Variants in TPRG1 observed in about 807,000 individuals in gnomAD.
TPRG1 encodes the protein tumor protein p63 regulated 1.
TPRG1 carries 29 observed loss-of-function variants against 29.3 expected under a neutral mutation model. That is an observed-to-expected ratio of 0.99 (90% CI 0.74 to 1.35). TPRG1 has a LOEUF of 1.35. Among genes scored for constraint, TPRG1 ranks in the 40% most tolerant of loss-of-function variants. The pLI, the probability that TPRG1 is intolerant of heterozygous loss-of-function variation, is 0.00. For synonymous variants in TPRG1, 130 were observed against 116.8 expected, an observed-to-expected ratio of 1.11 and a Z score of -0.73; for missense variants, 327 against 335.0, an observed-to-expected ratio of 0.98 and a Z score of 0.19.
chr3:189,012,198 C>T (rs1195546252), intron 3 of TPRG1, among the ~76,000 whole-genome samples: 1 of 152,150 alleles, frequency 6.6e-6, no homozygotes, highest in Non-Finnish European at 1.5e-5. Flanking sequence ...ACAGAGCAAC[C>T]TTGTGTTGTG....
At chr3:189,155,202 G>A (rs541713322) in intron 5 of TPRG1, among the ~76,000 whole-genome samples, 51 of 152,272 alleles carry the variant, frequency 3.3e-4, no homozygotes, top group African/African-American at 1.2e-3. Context: ...AATGTTTTGA[G>A]GAAGGGATTG....
chr3:189,182,642 T>C (rs1468007786), intron 1 of TPRG1, among the ~76,000 whole-genome samples: 1 of 152,136 alleles, frequency 6.6e-6, no homozygotes, highest in African/African-American at 2.4e-5. Context: ...AATTAAGGCT[T>C]ATAAAAAGTT....
intron 5 of TPRG1, among the ~76,000 whole-genome samples, chr3:189,315,280 G>T (rs774140064): frequency 1.8e-4 from 9 of 49,538 alleles, no homozygotes; most frequent in South Asian, 8.4e-4. Flanking sequence ...TGAAAGAATT[G>T]TGTGTGTGTG....
intron 3 of TPRG1, among the ~76,000 whole-genome samples, chr3:189,224,315 T>C (rs1737371309): frequency 6.6e-6 from 1 of 152,116 alleles, no homozygotes; most frequent in African/African-American, 2.4e-5. Flanking sequence ...ACCCTGCCCC[T>C]ACTGAAAATA....
At chr3:189,280,060 A>G (rs1410151363) in intron 4 of TPRG1, among the ~76,000 whole-genome samples, 1 of 152,152 alleles carries the variant, frequency 6.6e-6, no homozygotes, top group African/African-American at 2.4e-5. Context: ...GCTGTGGAAA[A>G]TAAGAGGGAT....
chr3:189,083,167 C>T (rs1717715767), intron 4 of TPRG1, among the ~76,000 whole-genome samples: 6 of 152,072 alleles, frequency 3.9e-5, no homozygotes, highest in Admixed American at 3.9e-4. Flanking sequence ...CCGCTGGGGC[C>T]CAGGTGACCA....
intron 4 of TPRG1, among the ~76,000 whole-genome samples, chr3:189,296,453 G>GAT (rs935506893): frequency 1.4e-4 from 22 of 152,078 alleles, no homozygotes; most frequent in African/African-American, 5.1e-4. Context: ...ATTATATAAG[G>GAT]ATATATATAC....
intron 1 of TPRG1, among the ~76,000 whole-genome samples, chr3:189,188,773 G>A (rs771179674): frequency 1.3e-5 from 2 of 152,158 alleles, no homozygotes; most frequent in African/African-American, 2.4e-5. Context: ...TTGCCCAAGA[G>A]ACACTGTCTG....
chr3:189,139,344 G>T (rs934284028), intron 3 of TPRG1, among the ~76,000 whole-genome samples: 3 of 152,146 alleles, frequency 2.0e-5, no homozygotes, highest in African/African-American at 7.2e-5. Flanking sequence ...AGCTGACCCG[G>T]ATCCAGCCCT....
chr3:189,201,260 C>T (rs1733436920), intron 1 of TPRG1, among the ~76,000 whole-genome samples: 1 of 152,168 alleles, frequency 6.6e-6, no homozygotes, highest in Non-Finnish European at 1.5e-5. Flanking sequence ...AGCTTTTCTT[C>T]CCAAGGGTTC....
chr3:189,267,151 G>A (rs940463204), intron 4 of TPRG1, among the ~76,000 whole-genome samples: 25 of 152,218 alleles, frequency 1.6e-4, no homozygotes, highest in African/African-American at 6.0e-4. Context: ...TTACCACTGT[G>A]TTATAATTGA....
intron 4 of TPRG1, among the ~76,000 whole-genome samples, chr3:189,277,205 G>A (rs571637305): frequency 1.0e-3 from 157 of 152,268 alleles, no homozygotes; most frequent in Middle Eastern, 3.4e-3. Context: ...CCCTCCAAGG[G>A]CTTTTAAAGC....
At chr3:189,237,310 C>T (rs528380231) in intron 3 of TPRG1, among the ~76,000 whole-genome samples, 22 of 152,146 alleles carry the variant, frequency 1.4e-4, no homozygotes, top group African/African-American at 4.1e-4. Flanking sequence ...CACACACACA[C>T]GCACTCACAC....
intron 3 of TPRG1, among the ~76,000 whole-genome samples, chr3:189,146,397 T>G (rs559641011): frequency 2.6e-5 from 4 of 152,282 alleles, no homozygotes; most frequent in Admixed American, 2.6e-4. Flanking sequence ...CAGGCAGATA[T>G]TCCATTTAAA....
chr3:189,025,924 A>G (rs1185990617), intron 4 of TPRG1, among the ~76,000 whole-genome samples: 1 of 152,210 alleles, frequency 6.6e-6, no homozygotes, highest in African/African-American at 2.4e-5. Context: ...TCCTCAAAAG[A>G]GATGTGTTGT....
upstream of TPRG1, among the ~76,000 whole-genome samples, chr3:189,099,085 A>G (rs534193642): frequency 9.2e-5 from 14 of 152,280 alleles, no homozygotes; most frequent in African/African-American, 2.2e-4. Flanking sequence ...TCCAAGTCCA[A>G]TGAATGGCCG....
chr3:189,157,982 C>A (rs1461974519), intron 5 of TPRG1, among the ~76,000 whole-genome samples: 1 of 152,138 alleles, frequency 6.6e-6, no homozygotes, highest in Non-Finnish European at 1.5e-5. Context: ...GCAAGTGCAT[C>A]CTTTTAGGAT....
At chr3:189,270,394 T>G (rs1318505627) in intron 4 of TPRG1, among the ~76,000 whole-genome samples, 1 of 152,220 alleles carries the variant, frequency 6.6e-6, no homozygotes, top group African/African-American at 2.4e-5. Context: ...CTGAAATCCA[T>G]GCAGTTCCCT....
chr3:189,271,718 A>T (rs144821201), intron 4 of TPRG1, among the ~76,000 whole-genome samples: 1 of 152,376 alleles, frequency 6.6e-6, no homozygotes, highest in Non-Finnish European at 1.5e-5. Context: ...AAAGTGACTT[A>T]TGTAAAGTTA....
Sources: allele counts gnomAD v4.1 joint callset (sites outside exome capture counted in the v4.1 genomes callset), GRCh38; gene constraint gnomAD v4.1.1; transcripts MANE v1.5; gene names NCBI Gene and HGNC (gene_info 2026-07-23, HGNC 2026-07-21).